The following NOX4 variants were observed in gnomAD, a reference collection of about 807,000 sequenced individuals.
NOX4 encodes NADPH oxidase 4, also known as kidney oxidase-1.
NOX4 carries 69 observed loss-of-function variants against 87.6 expected under a neutral mutation model. That is an observed-to-expected ratio of 0.79 (90% confidence interval 0.65 to 0.96). NOX4 has a LOEUF of 0.96. Among genes scored for constraint, NOX4 ranks in the 40% least tolerant of loss-of-function variants. The probability of loss-of-function intolerance (pLI) is 0.00; values close to 1 mark genes in which losing one functional copy is unlikely to be tolerated. For missense variants in NOX4, 680 were observed against 681.5 expected, an observed-to-expected ratio of 1.00 and a Z score of 0.02; for synonymous variants, 275 against 238.2, an observed-to-expected ratio of 1.15 and a Z score of -1.42.
the NOX4 span, among the ~76,000 whole-genome samples, chr11:89,587,999 T>C: frequency 6.6e-6 from 1 of 152,190 alleles, no homozygotes; most frequent in African/African-American, 2.4e-5. Flanking sequence ...GTTTTTCTTA[T>C]TATTTCTTAT....
At chr11:89,545,371 AC>A in the NOX4 span, 1 of 152,066 alleles carries the variant, frequency 6.6e-6, no homozygotes, top group Non-Finnish European at 1.5e-5. Flanking sequence ...TAATTTAGAA[AC>A]CTTTTTCTCG....
At chr11:89,523,881 T>C in the NOX4 span, among the ~76,000 whole-genome samples, 1 of 152,192 alleles carries the variant, frequency 6.6e-6, no homozygotes, top group African/African-American at 2.4e-5. Context: ...CACACAAACA[T>C]ATGTATAGCA....
chr11:89,527,976 G>A, the NOX4 span, among the ~76,000 whole-genome samples: 2 of 128,112 alleles, frequency 1.6e-5, no homozygotes, highest in African/African-American at 6.2e-5. Context: ...ATGGCAGCCT[G>A]TGAAAGCATC....
intron 13 of NOX4, among the ~76,000 whole-genome samples, chr11:89,350,215 G>A (rs1053235677): frequency 2.6e-5 from 4 of 152,130 alleles, no homozygotes; most frequent in African/African-American, 9.7e-5. Flanking sequence ...ATTGATTAAT[G>A]AACATTCTTG....
intron 15 of NOX4, among the ~76,000 whole-genome samples, chr11:89,339,115 T>C (rs1390270521): frequency 6.6e-6 from 1 of 152,146 alleles, no homozygotes; most frequent in Non-Finnish European, 1.5e-5. Context: ...AATGAGTGAA[T>C]GCATGCACAA....
At chr11:89,423,490 C>T (rs1344869395) in intron 7 of NOX4, among the ~76,000 whole-genome samples, 1 of 152,024 alleles carries the variant, frequency 6.6e-6, no homozygotes, top group Non-Finnish European at 1.5e-5. Flanking sequence ...TTATATATTG[C>T]AAGGTCATTT....
At chr11:89,460,245 A>G (rs1485619495) in intron 2 of NOX4, among the ~76,000 whole-genome samples, 1 of 152,168 alleles carries the variant, frequency 6.6e-6, no homozygotes, top group African/African-American at 2.4e-5. Flanking sequence ...CAGGACATAC[A>G]CATGAGCAAG....
chr11:89,562,376 T>C, the NOX4 span, among the ~76,000 whole-genome samples: 1 of 152,044 alleles, frequency 6.6e-6, no homozygotes, highest in African/African-American at 2.4e-5. Flanking sequence ...AATAAAACTA[T>C]GGTTTATCCT....
At chr11:89,452,454 C>T (rs926793337) in intron 2 of NOX4, among the ~76,000 whole-genome samples, 1 of 152,130 alleles carries the variant, frequency 6.6e-6, no homozygotes, top group African/African-American at 2.4e-5. Flanking sequence ...CTTCCCTGAT[C>T]GGAAACTAGG....
the NOX4 span, among the ~76,000 whole-genome samples, chr11:89,523,252 G>C: frequency 1.3e-5 from 2 of 152,170 alleles, no homozygotes. Context: ...TTGATCTCTT[G>C]ACCTCGTAAT....
chr11:89,336,431 A>G (rs903371870), intron 16 of NOX4, among the ~76,000 whole-genome samples: 3 of 152,002 alleles, frequency 2.0e-5, no homozygotes, highest in Non-Finnish European at 4.4e-5. Context: ...GGCTCATTAT[A>G]TAAGTAAAAT....
At chr11:89,461,521 C>T (rs909155268) in intron 2 of NOX4, among the ~76,000 whole-genome samples, 15 of 151,166 alleles carry the variant, frequency 9.9e-5, no homozygotes, top group Non-Finnish European at 4.4e-5. Context: ...GATGGGCACA[C>T]GTAGTCCCAG....
chr11:89,393,818 T>C (rs901259572), intron 11 of NOX4, among the ~76,000 whole-genome samples: 1 of 152,162 alleles, frequency 6.6e-6, no homozygotes, highest in African/African-American at 2.4e-5. Flanking sequence ...GACACAGAAG[T>C]AACAAGTGAG....
chr11:89,435,155 AAAG>A, intron 6 of NOX4, among the ~76,000 whole-genome samples: 1 of 152,098 alleles, frequency 6.6e-6, no homozygotes, highest in East Asian at 1.9e-4. Context: ...TTGAGAGAAA[AAAG>A]AAGAGGTCAG....
intron 7 of NOX4, among the ~76,000 whole-genome samples, chr11:89,424,306 T>C (rs1486710856): frequency 4.0e-5 from 6 of 151,140 alleles, no homozygotes; most frequent in Admixed American, 6.6e-5. Flanking sequence ...TTTTCAACTC[T>C]TTTACTTGGT....
chr11:89,486,563 T>A (rs1459203686), intron 2 of NOX4, among the ~76,000 whole-genome samples: 4 of 144,726 alleles, frequency 2.8e-5, no homozygotes, highest in African/African-American at 7.9e-5. Context: ...TATATGTGTA[T>A]ATATACATAT....
chr11:89,445,194 A>G lies in NOX4; in HGVS notation c.350-962T>C, dbSNP rs79796124. On this transcript the variant is annotated intron_variant, in intron 4 of 17. Transcript: ENST00000263317. ...AACAAAAGGCTTAATGAGATAAGTG[A>G]TCTGAAATTGCTTAGTAAACCATTA... 8.5e-4 allele frequency among the ~76,000 whole-genome samples: 130 copies of G among 152,264 alleles called. 1 individual carries two copies. Among genetic ancestry groups the G allele is most frequent in the Non-Finnish European group, 1.2e-3 (81 of 68,024 alleles).
chr11:89,493,721 T>TTTTTTTTATTATTA (rs372046431), upstream of NOX4, among the ~76,000 whole-genome samples: 1 of 142,302 alleles, frequency 7.0e-6, no homozygotes, highest in African/African-American at 2.6e-5. Context: ...GCCAGATTGT[T>TTTTTTTTATTATTA]TTATTATTAT....
the NOX4 span, among the ~76,000 whole-genome samples, chr11:89,574,748 G>C: frequency 6.7e-4 from 102 of 152,230 alleles, no homozygotes; most frequent in African/African-American, 2.4e-3. Flanking sequence ...TAGCCCCAAA[G>C]AAAATACTAC....
Sources: gnomAD v4.1 joint callset for allele counts (sites outside exome capture counted in the v4.1 genomes callset) on GRCh38, gnomAD v4.1.1 for gene constraint, MANE v1.5 for transcripts, NCBI Gene and HGNC (gene_info 2026-07-23, HGNC 2026-07-21) for gene names.